SLC24A2: variants seen among roughly 807,000 people sequenced by gnomAD.
SLC24A2 encodes the protein sodium/potassium/calcium exchanger 2.
In SLC24A2, 36 loss-of-function variants were observed where a neutral mutation model predicts 62.0. That is an observed-to-expected ratio of 0.58 (90% CI 0.44 to 0.77). The LOEUF (loss-of-function observed/expected upper bound fraction) is 0.77. SLC24A2 is among the 30% of genes least tolerant of loss of function. SLC24A2 has a pLI of 0.00. For missense variants in SLC24A2, 846 were observed against 817.9 expected (o/e 1.03, Z -0.42); for synonymous variants, 358 against 294.0 (o/e 1.22, Z -2.23).
the SLC24A2 span, among the ~76,000 whole-genome samples, chr9:20,019,995 G>A: frequency 1.3e-5 from 2 of 152,040 alleles, no homozygotes; most frequent in Non-Finnish European, 2.9e-5. Flanking sequence ...GGTCATTAGA[G>A]AAATGCAAAT....
At chr9:19,546,172 C>T (rs7859059) in intron 8 of SLC24A2, among the ~76,000 whole-genome samples, 13,963 of 152,192 alleles carry the variant, frequency 0.092, 2,066 homozygotes, top group African/African-American at 0.32. Flanking sequence ...CCAGTCAGTA[C>T]ACATGGGTGT....
the SLC24A2 span, among the ~76,000 whole-genome samples, chr9:20,116,976 T>C: frequency 6.6e-6 from 1 of 152,128 alleles, no homozygotes; most frequent in African/African-American, 2.4e-5. Flanking sequence ...TTTGAACAAT[T>C]GTATGATCTT....
chr9:19,851,952 A>G, the SLC24A2 span, among the ~76,000 whole-genome samples: 3 of 152,126 alleles, frequency 2.0e-5, no homozygotes, highest in Non-Finnish European at 4.4e-5. Flanking sequence ...CACCAATGCT[A>G]TAAAAGCGTT....
At chr9:20,264,214 T>C in the SLC24A2 span, among the ~76,000 whole-genome samples, 1,212 of 152,324 alleles carry the variant, frequency 8.0e-3, 13 homozygotes, top group African/African-American at 0.027. Flanking sequence ...ACACAACCTC[T>C]CTGCACCTCA....
At chr9:20,069,485 C>T in the SLC24A2 span, among the ~76,000 whole-genome samples, 904 of 152,190 alleles carry the variant, frequency 5.9e-3, 9 homozygotes, top group Non-Finnish European at 9.7e-3. Flanking sequence ...AACAAATTGT[C>T]CTAAAGCAAA....
At chr9:20,094,897 CAT>C in the SLC24A2 span, among the ~76,000 whole-genome samples, 2 of 152,172 alleles carry the variant, frequency 1.3e-5, no homozygotes, top group East Asian at 3.9e-4. Flanking sequence ...TTTCAGTTTT[CAT>C]ATTATAATTA....
chr9:19,961,935 A>C, the SLC24A2 span, among the ~76,000 whole-genome samples: 1 of 152,214 alleles, frequency 6.6e-6, no homozygotes, highest in Non-Finnish European at 1.5e-5. Flanking sequence ...AACCAGAACC[A>C]CCCAGATAAA....
chr9:19,620,705 G>A (rs1287365158), intron 3 of SLC24A2, among the ~76,000 whole-genome samples: 10 of 152,202 alleles, frequency 6.6e-5, no homozygotes, highest in African/African-American at 2.4e-4. Context: ...ATCATCACAA[G>A]AGAAGACTCT....
At chr9:19,907,189 C>T in the SLC24A2 span, among the ~76,000 whole-genome samples, 74 of 152,236 alleles carry the variant, frequency 4.9e-4, no homozygotes, top group East Asian at 1.2e-3. Context: ...AATCAATAAA[C>T]GTAATCCAGC....
At chr9:19,553,815 T>G (rs1449775919) in intron 7 of SLC24A2, among the ~76,000 whole-genome samples, 1 of 152,202 alleles carries the variant, frequency 6.6e-6, no homozygotes, top group Non-Finnish European at 1.5e-5. Flanking sequence ...GAACAGAAGA[T>G]TCCAAAGAAT....
the SLC24A2 span, among the ~76,000 whole-genome samples, chr9:20,249,499 G>A: frequency 6.6e-6 from 1 of 152,054 alleles, no homozygotes; most frequent in African/African-American, 2.4e-5. Flanking sequence ...TGGGCCAGGA[G>A]TTCAAGACCA....
intron 2 of SLC24A2, among the ~76,000 whole-genome samples, chr9:19,735,555 C>T (rs1396005484): frequency 6.6e-6 from 1 of 152,136 alleles, no homozygotes; most frequent in Non-Finnish European, 1.5e-5. Context: ...GACACATGCA[C>T]ATGTATGTTT....
At position 19,510,889 on chromosome 9, in the gene SLC24A2, C is replaced by G. The variant is rs1832689211; in HGVS notation, c.*5264G>C. 6.6e-6 allele frequency: 1 copy of G among 152,138 alleles called. No individual in the cohort carries two copies. Among genetic ancestry groups the G allele is most frequent in the African/African-American group, 2.4e-5 (1 of 41,412 alleles). 9.4% of individuals were successfully genotyped at this position (152,138 alleles called of 1,614,324 possible). A position where few individuals can be genotyped will look rare whatever the true frequency, so the allele number is the denominator to read the frequency against. ...TGCCTGACTTGTGGATTTGCTTGTC[C>G]TTTGTAGCTGCTTCTTACTCTTTCT... On this transcript the variant is annotated 3_prime_UTR_variant, in exon 11 of 11. Transcript: ENST00000341998.
chr9:20,185,745 T>C, the SLC24A2 span, among the ~76,000 whole-genome samples: 4 of 151,682 alleles, frequency 2.6e-5, no homozygotes, highest in Admixed American at 2.6e-4. Flanking sequence ...GTCCTGATAA[T>C]TTGCATTTTA....
At chr9:20,169,536 T>A in the SLC24A2 span, among the ~76,000 whole-genome samples, 1 of 151,978 alleles carries the variant, frequency 6.6e-6, no homozygotes, top group East Asian at 1.9e-4. Flanking sequence ...AGTGTTAGCC[T>A]GAAGCCTGGT....
chr9:19,661,718 T>G (rs1025248989), intron 2 of SLC24A2, among the ~76,000 whole-genome samples: 6 of 152,158 alleles, frequency 3.9e-5, no homozygotes, highest in African/African-American at 7.2e-5. Flanking sequence ...GATTTTGGTT[T>G]TCTCAAAGGC....
the SLC24A2 span, among the ~76,000 whole-genome samples, chr9:20,084,418 C>A: frequency 6.6e-6 from 1 of 152,192 alleles, no homozygotes; most frequent in East Asian, 1.9e-4. Context: ...CACTACAAAT[C>A]AGAATTCCCC....
chr9:19,580,889 T>C (rs1836185635), intron 5 of SLC24A2, among the ~76,000 whole-genome samples: 1 of 152,176 alleles, frequency 6.6e-6, no homozygotes, highest in Non-Finnish European at 1.5e-5. Context: ...TGTCCATACA[T>C]GTCCTGTACT....
the SLC24A2 span, among the ~76,000 whole-genome samples, chr9:19,911,787 A>G: frequency 1.3e-5 from 2 of 152,128 alleles, no homozygotes; most frequent in Non-Finnish European, 2.9e-5. Context: ...TATGGGAGAC[A>G]CATCTATGAT....
Sources: gnomAD v4.1 joint callset for allele counts (sites outside exome capture counted in the v4.1 genomes callset) on GRCh38, gnomAD v4.1.1 for gene constraint, MANE v1.5 for transcripts, NCBI Gene and HGNC (gene_info 2026-07-23, HGNC 2026-07-21) for gene names.